Variants in SRGAP1 observed in about 807,000 individuals in gnomAD.
The protein encoded by SRGAP1 is SLIT-ROBO Rho GTPase activating protein 1.
In SRGAP1, 43 loss-of-function variants were observed where a neutral mutation model predicts 121.9. That is an observed-to-expected ratio of 0.35 (90% CI 0.28 to 0.46). SRGAP1 has a LOEUF of 0.46. SRGAP1 is among the 20% of genes least tolerant of loss of function. SRGAP1 has a pLI of 1.00. For synonymous variants in SRGAP1, 447 were observed against 485.4 expected (o/e 0.92, Z 1.04); for missense variants, 1,102 against 1,350.9 (o/e 0.82, Z 2.89).
intron 12 of SRGAP1, among the ~76,000 whole-genome samples, chr12:64,092,208 A>C (rs1565677181): frequency 6.6e-6 from 1 of 152,194 alleles, no homozygotes; most frequent in East Asian, 1.9e-4. Context: ...TAAATACCAA[A>C]TACACATTTA....
At chr12:64,077,409 A>G (rs1369670055) in intron 8 of SRGAP1, among the ~76,000 whole-genome samples, 2 of 151,288 alleles carry the variant, frequency 1.3e-5, no homozygotes, top group African/African-American at 2.4e-5. Flanking sequence ...TAATAAATAC[A>G]TGGGTGATGC....
intron 1 of SRGAP1, among the ~76,000 whole-genome samples, chr12:63,872,293 A>C (rs1397664471): frequency 6.6e-6 from 1 of 152,172 alleles, no homozygotes; most frequent in Non-Finnish European, 1.5e-5. Flanking sequence ...GACAATAAGG[A>C]GAAAACATTT....
chr12:64,062,802 A>T, intron 6 of SRGAP1, 115 bp from the exon 7 acceptor site: 2 of 702,450 alleles, frequency 2.8e-6, no homozygotes, highest in South Asian at 3.9e-5. Context: ...ATCCAATGTC[A>T]TGAAAGCTTA....
At chr12:64,077,786 A>G (rs1031684794) in intron 8 of SRGAP1, among the ~76,000 whole-genome samples, 1 of 152,154 alleles carries the variant, frequency 6.6e-6, no homozygotes, top group Non-Finnish European at 1.5e-5. Context: ...TTATATTAAA[A>G]TTAGAATCTT....
At chr12:64,092,176 C>T (rs2036064699) in intron 12 of SRGAP1, among the ~76,000 whole-genome samples, 1 of 152,040 alleles carries the variant, frequency 6.6e-6, no homozygotes, top group African/African-American at 2.4e-5. Context: ...TGATCAAGGG[C>T]TTTATTAGGG....
intron 1 of SRGAP1, among the ~76,000 whole-genome samples, chr12:63,927,431 A>T (rs2031301741): frequency 6.6e-6 from 1 of 152,200 alleles, no homozygotes; most frequent in Admixed American, 6.5e-5. Flanking sequence ...CAGGCCAGCC[A>T]GTCAGCAGAT....
At chr12:64,097,889 T>C (rs11834737) in intron 15 of SRGAP1, among the ~76,000 whole-genome samples, 3,449 of 152,274 alleles carry the variant, frequency 0.023, 148 homozygotes, top group African/African-American at 0.079. Context: ...TCTGGGATTG[T>C]GTATGACATA....
chr12:64,003,235 C>T (rs750521220), intron 3 of SRGAP1, among the ~76,000 whole-genome samples: 2 of 151,956 alleles, frequency 1.3e-5, no homozygotes, highest in Non-Finnish European at 1.5e-5. Context: ...TACAGGTGTA[C>T]ACCACCATGC....
At chr12:63,850,901 A>T (rs1020730064) in intron 1 of SRGAP1, among the ~76,000 whole-genome samples, 2 of 152,188 alleles carry the variant, frequency 1.3e-5, no homozygotes. Context: ...CCTGTAATCA[A>T]TCCTAGCACT....
At chr12:64,138,072 G>T (rs2036887932) in intron 21 of SRGAP1, among the ~76,000 whole-genome samples, 1 of 151,744 alleles carries the variant, frequency 6.6e-6, no homozygotes, top group South Asian at 2.1e-4. Context: ...TCTCCAGACT[G>T]TGTTCGTCTC....
At chr12:64,004,149 G>GT (rs2034002349) in intron 3 of SRGAP1, among the ~76,000 whole-genome samples, 3 of 152,166 alleles carry the variant, frequency 2.0e-5, no homozygotes, top group South Asian at 4.2e-4. Flanking sequence ...TTCCATCCTA[G>GT]TTTTTTTAAA....
At chr12:64,079,293 T>G (rs2035794501) in intron 9 of SRGAP1, among the ~76,000 whole-genome samples, 177 bp downstream of exon 9, 1 of 151,796 alleles carries the variant, frequency 6.6e-6, no homozygotes, top group South Asian at 2.1e-4. Flanking sequence ...ATTTAGGAGT[T>G]AGTTAGTTAG....
At position 64,152,252 on chromosome 12, in the gene SRGAP1, A is replaced by AATTAAGCCGCAGG. The variant is rs1319442887; in HGVS notation, c.*9582_*9594dup. On this transcript the variant is annotated 3_prime_UTR_variant, in exon 22 of 22. Transcript: ENST00000355086. Reference sequence around the variant, plus strand: ...TTATCATCATCTTTATCCGTAAGAAAATTAAGCCGCAGGAGTTAAACACTT... The same window carrying AATTAAGCCGCAGG: ...TTATCATCATCTTTATCCGTAAGAAAATTAAGCCGCAGGATTAAGCCGCAGGAGTTAAACACTT... 2 of 152,166 alleles carry AATTAAGCCGCAGG rather than the reference A, an allele frequency of 1.3e-5. No individual in the cohort carries two copies. Among genetic ancestry groups the AATTAAGCCGCAGG allele is most frequent in the African/African-American group, 2.4e-5 (1 of 41,452 alleles). The allele number at this position is 152,166 out of a possible 1,614,324, so 9.4% of individuals were successfully genotyped here. A position where few individuals can be genotyped will look rare whatever the true frequency, so the allele number is the denominator to read the frequency against.
intron 6 of SRGAP1, among the ~76,000 whole-genome samples, chr12:64,044,699 T>TA (rs1555169158): frequency 1.0e-4 from 14 of 138,652 alleles, no homozygotes; most frequent in African/African-American, 3.1e-4. Context: ...TTTTTTTTTT[T>TA]AAGACAGAGT....
At chr12:64,069,028 G>A (rs1011384045) in intron 8 of SRGAP1, among the ~76,000 whole-genome samples, 16 of 149,094 alleles carry the variant, frequency 1.1e-4, no homozygotes, top group African/African-American at 3.9e-4. Context: ...AAAAATGTGT[G>A]TATATATATA....
chr12:64,021,483 A>G (rs1172570509), intron 4 of SRGAP1, among the ~76,000 whole-genome samples: 2 of 152,204 alleles, frequency 1.3e-5, no homozygotes. Context: ...AGTTATTCTC[A>G]TGATCCTCAT....
chr12:64,129,417 G>T (rs567919024), intron 21 of SRGAP1, among the ~76,000 whole-genome samples: 2 of 152,140 alleles, frequency 1.3e-5, no homozygotes, highest in Non-Finnish European at 2.9e-5. Context: ...ATTAGATGGT[G>T]CCCATCCAGA....
In SRGAP1 at chr12:64,127,944, A is replaced by T. The variant is rs61754221; in HGVS notation, c.2624A>T (p.His875Leu). The T allele has an allele frequency of 1.2e-6, 2 of 1,614,146 alleles. No homozygotes were observed. Among genetic ancestry groups the T allele is most frequent in the Non-Finnish European group, 1.7e-6 (2 of 1,180,004 alleles). The change falls in exon 21 of 22, where the codon CAT (histidine) becomes CTT (leucine). Residue 875 changes from histidine to leucine, a missense_variant. Transcript: ENST00000355086. Reference protein sequence around the residue: ...SDGHCPLHPPHALSNSSVDLG... With the variant: ...SDGHCPLHPPLALSNSSVDLG... The stretch of plus-strand genomic sequence containing the variant: ...GGCCATTGCCCGCTCCACCCTCCAC[A>T]TGCCCTTTCTAACTCCTCAGTTGAC...
intron 1 of SRGAP1, among the ~76,000 whole-genome samples, chr12:63,902,402 G>T (rs909785130): frequency 6.6e-6 from 1 of 152,164 alleles, no homozygotes; most frequent in East Asian, 1.9e-4. Flanking sequence ...GGAAGCTGAA[G>T]CTCAAAGAGA....
Sources: gnomAD v4.1 joint callset for allele counts (sites outside exome capture counted in the v4.1 genomes callset) on GRCh38, gnomAD v4.1.1 for gene constraint, MANE v1.5 for transcripts, NCBI Gene and HGNC (gene_info 2026-07-23, HGNC 2026-07-21) for gene names.